The following NF1 variants were observed in gnomAD, a reference collection of about 807,000 sequenced individuals.
The protein encoded by NF1 is neurofibromin 1.
A neutral mutation model predicts 325.7 loss-of-function variants in NF1; 122 were observed. That is an observed-to-expected ratio of 0.37 (90% confidence interval 0.32 to 0.44). The LOEUF (loss-of-function observed/expected upper bound fraction) is 0.44. Among genes scored for constraint, NF1 ranks in the 20% least tolerant of loss-of-function variants. The probability of loss-of-function intolerance (pLI) is 1.00; values close to 1 mark genes in which losing one functional copy is unlikely to be tolerated. For synonymous variants in NF1, 1,091 were observed against 1,186.0 expected, an observed-to-expected ratio of 0.92 and a Z score of 1.65; for missense variants, 2,140 against 3,415.4, an observed-to-expected ratio of 0.63 and a Z score of 9.31.
chr17:31,336,937 G>A lies in NF1; in HGVS notation c.6427+23G>A, dbSNP rs374661421. ...GTGGTAAGTTCTAGGAAAGGAATTT[G>A]TGTTTACCAGTTCCTTTCTCCATTT... On this transcript the variant is annotated intron_variant, in intron 42 of 57. Coordinates refer to ENST00000358273, the MANE Select transcript of NF1 (RefSeq NM_001042492.3). This position sits in a 1 kb window ranked among gnomAD's most constrained non-coding sequence, Gnocchi z 5.5. The A allele has an allele frequency of 2.9e-4, 463 of 1,602,552 alleles. No homozygotes were observed. The highest frequency in any genetic ancestry group is 3.7e-4 in the Non-Finnish European group (437 of 1,178,810).
chr17:31,303,486 G>GA (rs367993939), intron 36 of NF1, among the ~76,000 whole-genome samples: 2,619 of 150,666 alleles, frequency 0.017, 65 homozygotes, highest in African/African-American at 0.057. Context: ...CTCTTTTCCT[G>GA]AAAAAAAAAT....
At chr17:31,265,475 G>A in intron 36 of NF1, 136 bp downstream of exon 36, 1 of 657,116 alleles carries the variant, frequency 1.5e-6, no homozygotes, top group Non-Finnish European at 2.7e-6. Flanking sequence ...ATATAGCAGG[G>A]TAAATAGCCT....
In NF1 at chr17:31,200,829, G is replaced by C. The variant is rs573902070; in HGVS notation, c.1063-208G>C. 2.6e-5 allele frequency among the ~76,000 whole-genome samples: 4 copies of C among 152,264 alleles called. No homozygotes were observed. The South Asian group carries it at 6.2e-4, about 24-fold the overall frequency. On this transcript the variant is annotated intron_variant, in intron 9 of 57. Coordinates refer to ENST00000358273, the MANE Select transcript of NF1 (RefSeq NM_001042492.3). ...TATACAGACTTGGGTTTAAAATAAT[G>C]TGGCAATTAGGGCCTGAAATGAACC...
chr17:31,186,128 A>G (rs1277481320), intron 8 of NF1, among the ~76,000 whole-genome samples: 1 of 152,116 alleles, frequency 6.6e-6, no homozygotes, highest in Non-Finnish European at 1.5e-5. Flanking sequence ...TGGAAGTGGT[A>G]CATACACGAT....
chr17:31,168,868 C>T (rs1300722373), intron 4 of NF1, among the ~76,000 whole-genome samples: 5 of 152,054 alleles, frequency 3.3e-5, no homozygotes, highest in Admixed American at 1.3e-4. Flanking sequence ...CAAAATGAAA[C>T]GTTTTCTATT....
chr17:31,335,295 T>TATATATATATATATATATAA (rs2069630412), intron 40 of NF1, among the ~76,000 whole-genome samples: 1 of 128,890 alleles, frequency 7.8e-6, no homozygotes, highest in African/African-American at 3.2e-5. Flanking sequence ...TATATATATA[T>TATATATATATATATATATAA]AATTATGCCT....
At chr17:31,367,238 C>A in intron 57 of NF1, 2 of 1,311,602 alleles carry the variant, frequency 1.5e-6, no homozygotes, top group Non-Finnish European at 2.0e-6. Flanking sequence ...CTCTGCCTTG[C>A]TCTAAATCAG....
At chr17:31,282,780 T>C (rs2151486965) in intron 36 of NF1, among the ~76,000 whole-genome samples, 1 of 152,338 alleles carries the variant, frequency 6.6e-6, no homozygotes, top group South Asian at 2.1e-4. Flanking sequence ...TAGATACATA[T>C]CTAGGAGTGG....
In NF1 at chr17:31,277,964, A is replaced by G. The variant is rs78915685; in HGVS notation, c.4835+12625A>G. ...TTGCTACAAGCTGTATGTACACTGT[A>G]TCATCTTCCTAAAATCACCAGGCAT... is the stretch of plus-strand genomic sequence containing the variant. On this transcript the variant is annotated intron_variant, in intron 36 of 57. Transcript: ENST00000358273. 4.5e-3 allele frequency among the ~76,000 whole-genome samples: 679 copies of G among 152,260 alleles called. 7 individuals are homozygous for G. The highest frequency in any genetic ancestry group is 0.016 in the African/African-American group (648 of 41,548).
intron 14 of NF1, among the ~76,000 whole-genome samples, chr17:31,219,987 T>C (rs1231101146): frequency 6.6e-6 from 1 of 152,228 alleles, no homozygotes; most frequent in African/African-American, 2.4e-5. Context: ...TTCTACTTTT[T>C]AGCTATTACA....
intron 3 of NF1, 84 bp from the exon 4 acceptor site, chr17:31,163,100 CTG>C (rs1051210268): frequency 2.1e-5 from 28 of 1,303,224 alleles, no homozygotes; most frequent in Non-Finnish European, 2.6e-5. Flanking sequence ...TATTTTTGTT[CTG>C]TGTGTGTGTT....
In NF1 at chr17:31,330,507, T is replaced by TAC; in HGVS notation, c.5812+9_5812+10insAC. ...TGGATTTAGCAAATCTAGTAAGTAA[T>TAC]GATAATTTTCTTTAATACTAACAAT... On this transcript the variant is annotated intron_variant, in intron 39 of 57. Transcript: ENST00000358273. 2.5e-6 allele frequency: 4 copies of TAC among 1,585,232 alleles called. No individual in the cohort carries two copies. Among genetic ancestry groups the TAC allele is most frequent in the Non-Finnish European group, 3.5e-6 (4 of 1,154,356 alleles).
chr17:31,193,905 G>A (rs2066390757), intron 8 of NF1, among the ~76,000 whole-genome samples: 1 of 152,226 alleles, frequency 6.6e-6, no homozygotes, highest in South Asian at 2.1e-4. Flanking sequence ...TGGCAAAGGT[G>A]TGGAGATAAG....
chr17:31,111,745 T>A (rs1913434315), intron 1 of NF1, among the ~76,000 whole-genome samples: 1 of 152,064 alleles, frequency 6.6e-6, no homozygotes. Context: ...ACTGTAAGAT[T>A]ACTGAAGGAA....
intron 1 of NF1, among the ~76,000 whole-genome samples, chr17:31,130,992 AC>A (rs1915338703): frequency 6.6e-6 from 1 of 152,234 alleles, no homozygotes; most frequent in African/African-American, 2.4e-5. Flanking sequence ...CCCCGGCAGT[AC>A]TGCAAGCATC....
At chr17:31,109,368 A>C (rs982570237) in intron 1 of NF1, among the ~76,000 whole-genome samples, 2 of 151,742 alleles carry the variant, frequency 1.3e-5, no homozygotes, top group Admixed American at 1.3e-4. Context: ...TTCAGATTTG[A>C]AGATCATTTT....
chr17:31,350,437 T>C, intron 50 of NF1, 119 bp downstream of exon 50: 1 of 820,852 alleles, frequency 1.2e-6, no homozygotes, highest in Non-Finnish European at 2.0e-6. Flanking sequence ...AGAGATGGCC[T>C]AGGAAGAGTA....
chr17:31,195,397 G>A (rs2066417122), intron 8 of NF1, among the ~76,000 whole-genome samples: 1 of 152,192 alleles, frequency 6.6e-6, no homozygotes, highest in African/African-American at 2.4e-5. Flanking sequence ...TAAAATGCAC[G>A]TAACATCAAA....
intron 36 of NF1, among the ~76,000 whole-genome samples, chr17:31,309,400 T>G (rs2068810309): frequency 6.6e-6 from 1 of 152,154 alleles, no homozygotes; most frequent in Admixed American, 6.5e-5. Flanking sequence ...TTGCAAAAGA[T>G]TTAAAAGGGA....
Sources: gnomAD v4.1 joint callset for allele counts (sites outside exome capture counted in the v4.1 genomes callset) on GRCh38, gnomAD v4.1.1 for gene constraint, Gnocchi (gnomAD v3.1) non-coding constraint, MANE v1.5 for transcripts, NCBI Gene and HGNC (gene_info 2026-07-23, HGNC 2026-07-21) for gene names.